Variants in CTBP2 observed in about 807,000 individuals in gnomAD.
CTBP2 encodes C-terminal-binding protein 2.
CTBP2 carries 30 observed loss-of-function variants against 80.3 expected under a neutral mutation model. The observed-to-expected ratio is 0.37, with a 90% CI of 0.28 to 0.51. CTBP2 has a LOEUF of 0.51. Among genes scored for constraint, CTBP2 ranks in the 20% least tolerant of loss-of-function variants. The probability of loss-of-function intolerance (pLI) is 0.93; values close to 1 mark genes in which losing one functional copy is unlikely to be tolerated. For missense variants in CTBP2, 1,212 were observed against 1,375.3 expected (o/e 0.88, Z 1.88); for synonymous variants, 594 against 587.4 (o/e 1.01, Z -0.16).
chr10:125,139,597 G>GCTGGGC (rs1369613917), intron 1 of CTBP2, among the ~76,000 whole-genome samples: 6 of 152,068 alleles, frequency 3.9e-5, no homozygotes, highest in Admixed American at 1.3e-4. Flanking sequence ...GTCTAGGCCA[G>GCTGGGC]CTGGGCCTGG....
At position 125,080,454 on chromosome 10, in the gene CTBP2, T is replaced by C. The variant is rs1847011402; in HGVS notation, c.-102+30536A>G. Among the ~76,000 whole-genome samples, 5 of 152,260 alleles carry C rather than the reference T, an allele frequency of 3.3e-5. No homozygotes were observed. The Middle Eastern group carries it at 0.017, about 521-fold the overall frequency. The stretch of plus-strand genomic sequence containing the variant: ...CCCCTGGTCACTGTCCTCTGGCCGT[T>C]CTGGAACAATGGGGATTGAGCGCTG... On this transcript the variant is annotated intron_variant, in intron 2 of 10. Coordinates refer to the CTBP2 transcript ENST00000337195.
chr10:125,009,139 G>C (rs1007056068), intron 1 of CTBP2, among the ~76,000 whole-genome samples: 1 of 152,180 alleles, frequency 6.6e-6, no homozygotes, highest in Non-Finnish European at 1.5e-5. Context: ...GAACTCTCGT[G>C]GGAAAACTGC....
chr10:125,020,181 C>T (rs1342927788), intron 1 of CTBP2, among the ~76,000 whole-genome samples: 1 of 152,166 alleles, frequency 6.6e-6, no homozygotes, highest in Non-Finnish European at 1.5e-5. Context: ...TGGCCAAGAT[C>T]AACAGCTTTT....
At chr10:125,084,116 G>A (rs1201044627) in intron 2 of CTBP2, among the ~76,000 whole-genome samples, 2 of 152,076 alleles carry the variant, frequency 1.3e-5, no homozygotes, top group Non-Finnish European at 2.9e-5. Flanking sequence ...AGAGAAGAGA[G>A]CCCACTATGT....
intron 1 of CTBP2, among the ~76,000 whole-genome samples, chr10:125,156,632 TATC>T (rs1325312565): frequency 6.6e-6 from 1 of 152,160 alleles, no homozygotes; most frequent in Non-Finnish European, 1.5e-5. Flanking sequence ...ACAATAAAAA[TATC>T]ATTTTAAAAT....
chr10:124,997,931 GGGTT>G, intron 4 of CTBP2, 29 bp downstream of exon 6: 4 of 1,590,446 alleles, frequency 2.5e-6, no homozygotes, highest in Non-Finnish European at 3.4e-6. Flanking sequence ...AGTGTCGGAG[GGGTT>G]GGGGGTCAGC....
chr10:125,068,440 G>T (rs1272818701), intron 2 of CTBP2, among the ~76,000 whole-genome samples: 2 of 152,228 alleles, frequency 1.3e-5, no homozygotes, highest in Non-Finnish European at 2.9e-5. Context: ...CTAGAAAGTA[G>T]AGAACATTTT....
intron 1 of CTBP2, among the ~76,000 whole-genome samples, chr10:125,135,120 G>A (rs77862339): frequency 0.022 from 3,325 of 152,128 alleles, 111 homozygotes; most frequent in African/African-American, 0.074. Context: ...AGGTATCACT[G>A]TTAGGTTTAC....
intron 1 of CTBP2, among the ~76,000 whole-genome samples, chr10:125,017,571 TC>T (rs1046392799): frequency 1.1e-4 from 17 of 152,296 alleles, no homozygotes; most frequent in Admixed American, 9.1e-4. Flanking sequence ...TTACAGCTGT[TC>T]CCAACAGCCA....
Position 125,026,223 on chromosome 10 carries a change from G to A in CTBP2, c.1537C>T (p.Arg513Trp), listed in dbSNP as rs772005103. ...GGCCCCAGGGGTGCACCTGGCTTCC[G>A]CAAGACCTGGGGGCTGCCGTGAGGG... is the stretch of plus-strand genomic sequence containing the variant. The change falls in exon 1 of 9, where the codon CGG becomes TGG. Residue 513 changes from arginine (R) to tryptophan (W), a missense_variant. Arg to Trp is a moderately radical substitution (Grantham distance 101). Transcript: ENST00000309035. 5.6e-6 allele frequency: 9 copies of A among 1,613,602 alleles called. No individual in the cohort carries two copies. Among genetic ancestry groups the A allele is most frequent in the East Asian group, 4.5e-5 (2 of 44,864 alleles).
Position 124,989,577 on chromosome 10 carries a change from G to A in CTBP2, c.2899C>T (p.Pro967Ser). 1 of 1,613,598 alleles carries A rather than the reference G, an allele frequency of 6.2e-7. No homozygotes were observed. Among genetic ancestry groups the A allele is most frequent in the Non-Finnish European group, 8.5e-7 (1 of 1,179,840 alleles). The change falls in exon 9 of 9, where the codon CCC becomes TCC. Residue 967 changes from proline (P) to serine (S), a missense_variant. Coordinates refer to ENST00000309035, the MANE Select transcript of CTBP2 (RefSeq NM_022802.3). ...TGTTTTGTGGGCTGGTTGGGAGAGG[G>A]CGCTTGGGAAGGATGTGCCACTGTC...
intron 1 of CTBP2, among the ~76,000 whole-genome samples, chr10:125,010,058 G>A (rs565031447): frequency 8.7e-4 from 132 of 152,096 alleles, no homozygotes; most frequent in African/African-American, 2.9e-3. Context: ...CTGTTCCCAC[G>A]GCAGCTGCAG....
Position 125,026,687 on chromosome 10 carries a change from T to C in CTBP2, c.1073A>G (p.Gln358Arg). The change falls in exon 1 of 9, where the codon CAG becomes CGG. Residue 358 changes from glutamine (Q) to arginine (R), a missense_variant. Physicochemically the swap from Gln to Arg is conservative, Grantham distance 43 (BLOSUM62 1). This residue lies in a region of CTBP2 where 848 missense variants were observed against 782.3 expected (regional missense o/e 1.08). Transcript: ENST00000309035. ...CCGGGGCAGCGGGCCCCCCCGGTCC[T>C]GCCTCCGCAGCTGCATTTCGGTCCT... 1 of 1,610,574 alleles carries C rather than the reference T, an allele frequency of 6.2e-7. No individual in the cohort carries two copies. The highest frequency in any genetic ancestry group is 8.5e-7 in the Non-Finnish European group (1 of 1,178,954).
intron 1 of CTBP2, among the ~76,000 whole-genome samples, chr10:125,153,884 T>C (rs912982215): frequency 3.3e-5 from 5 of 152,216 alleles, no homozygotes; most frequent in African/African-American, 9.6e-5. Context: ...ATTTCAGGCA[T>C]GGCTGGAGCA....
At chr10:125,080,890 G>A (rs879806712) in intron 2 of CTBP2, among the ~76,000 whole-genome samples, 1 of 151,468 alleles carries the variant, frequency 6.6e-6, no homozygotes, top group Non-Finnish European at 1.5e-5. Flanking sequence ...AGGGCACAGC[G>A]CTGCCTCCCA....
At chr10:125,126,853 A>G (rs1022434131) in intron 1 of CTBP2, among the ~76,000 whole-genome samples, 1 of 152,202 alleles carries the variant, frequency 6.6e-6, no homozygotes, top group Non-Finnish European at 1.5e-5. Context: ...TCTGATGGTC[A>G]AAGCCTATAG....
intron 2 of CTBP2, among the ~76,000 whole-genome samples, chr10:125,087,878 C>T (rs1848227814): frequency 6.6e-6 from 1 of 152,200 alleles, no homozygotes; most frequent in African/African-American, 2.4e-5. Context: ...TCTCCCAACC[C>T]AGTTCTGCCC....
chr10:125,109,713 G>C (rs1851997838), intron 2 of CTBP2, among the ~76,000 whole-genome samples: 1 of 152,234 alleles, frequency 6.6e-6, no homozygotes, highest in South Asian at 2.1e-4. Flanking sequence ...GCAAAGCCCT[G>C]TCAGAGCACT....
In CTBP2 at chr10:124,985,642, G is replaced by A. The variant is rs1952015618; in HGVS notation, c.*3876C>T. ...CTTACTTGTTTTGAAGAGGGTTTTG[G>A]TTTTGGTTATTGTGTCTTTAAGTTT... On this transcript the variant is annotated 3_prime_UTR_variant, in exon 9 of 9. Coordinates refer to ENST00000309035, the MANE Select transcript of CTBP2 (RefSeq NM_022802.3). The A allele has an allele frequency of 9.4e-6, 1 of 106,184 alleles. No individual in the cohort carries two copies. Among genetic ancestry groups the A allele is most frequent in the African/African-American group, 3.0e-5 (1 of 33,584 alleles). 6.6% of individuals were successfully genotyped at this position (106,184 alleles called of 1,614,324 possible).
Sources: gnomAD v4.1 joint callset for allele counts (sites outside exome capture counted in the v4.1 genomes callset) on GRCh38, gnomAD v4.1.1 for gene constraint, gnomAD v4.1.1 regional missense constraint, MANE v1.5 for transcripts, NCBI Gene and HGNC (gene_info 2026-07-23, HGNC 2026-07-21) for gene names.